DDX10: variants seen among roughly 807,000 people sequenced by gnomAD.
DDX10 encodes the protein DEAD-box helicase 10, also known as probable ATP-dependent RNA helicase DDX10.
In DDX10, 74 loss-of-function variants were observed where a neutral mutation model predicts 104.3. That is an observed-to-expected ratio of 0.71 (90% CI 0.59 to 0.86). The LOEUF (loss-of-function observed/expected upper bound fraction) is 0.86. Among genes scored for constraint, DDX10 ranks in the 40% least tolerant of loss-of-function variants. The pLI is 0.00. For synonymous variants in DDX10, 351 were observed against 353.4 expected, an observed-to-expected ratio of 0.99 and a Z score of 0.08; for missense variants, 952 against 1,040.0, an observed-to-expected ratio of 0.92 and a Z score of 1.16.
chr11:108,815,992 G>A (rs1862249873), intron 13 of DDX10, among the ~76,000 whole-genome samples: 1 of 151,766 alleles, frequency 6.6e-6, no homozygotes, highest in Non-Finnish European at 1.5e-5. Context: ...GCTATGGTCT[G>A]GAACAGTTCC....
At chr11:108,939,688 T>C (rs1310063248) in intron 17 of DDX10, among the ~76,000 whole-genome samples, 2 of 152,206 alleles carry the variant, frequency 1.3e-5, no homozygotes, top group African/African-American at 4.8e-5. Context: ...CAATAATGTT[T>C]GCTTTCTTAA....
chr11:108,773,786 C>G (rs2094366369), intron 13 of DDX10, among the ~76,000 whole-genome samples: 1 of 152,122 alleles, frequency 6.6e-6, no homozygotes, highest in African/African-American at 2.4e-5. Context: ...ATAAAACTTA[C>G]TAATGTTTTA....
intron 13 of DDX10, among the ~76,000 whole-genome samples, chr11:108,806,567 A>T (rs925519606): frequency 3.3e-5 from 5 of 152,220 alleles, no homozygotes; most frequent in Admixed American, 3.3e-4. Flanking sequence ...GTAAACAAGT[A>T]AGTAAATTAG....
chr11:108,882,758 A>C (rs147060748), intron 16 of DDX10, among the ~76,000 whole-genome samples: 40 of 152,330 alleles, frequency 2.6e-4, no homozygotes, highest in Non-Finnish European at 5.1e-4. Flanking sequence ...ATTACAGAGA[A>C]GTGCGTTTCA....
intron 4 of DDX10, 75 bp downstream of exon 4, chr11:108,677,318 C>A: frequency 7.4e-7 from 1 of 1,356,624 alleles, no homozygotes; most frequent in Non-Finnish European, 1.0e-6. Context: ...GACAGGGAGG[C>A]AGCAGAGACT....
intron 16 of DDX10, among the ~76,000 whole-genome samples, chr11:108,874,045 C>A (rs1863117570): frequency 6.6e-6 from 1 of 152,070 alleles, no homozygotes; most frequent in African/African-American, 2.4e-5. Context: ...TGCAAGATTG[C>A]CGTGAGTCAG....
chr11:108,850,656 A>T (rs1279633746), intron 15 of DDX10, among the ~76,000 whole-genome samples: 2 of 152,214 alleles, frequency 1.3e-5, no homozygotes, highest in African/African-American at 4.8e-5. Context: ...ATGGTAGCAG[A>T]TTATAATGAT....
Position 108,739,071 on chromosome 11 carries a change from C to A in DDX10, c.1965+15609C>A, listed in dbSNP as rs557165517. Among the ~76,000 whole-genome samples the A allele has an allele frequency of 8.5e-5, 13 of 152,248 alleles. No individual in the cohort carries two copies. The South Asian group carries it at 2.5e-3, about 29-fold the overall frequency. Reference sequence around the variant, plus strand: ...CTGGTCAGGAAACAACTCTGCCCCCCCAGGGAGACACTTTCTGTCTCTCCT... The same window carrying A: ...CTGGTCAGGAAACAACTCTGCCCCCACAGGGAGACACTTTCTGTCTCTCCT... On this transcript the variant is annotated intron_variant, in intron 13 of 17. Transcript: ENST00000322536.
chr11:108,715,759 C>A (rs1591799213), intron 10 of DDX10, 120 bp from the exon 11 acceptor site: 2 of 613,664 alleles, frequency 3.3e-6, no homozygotes, highest in Admixed American at 3.0e-5. Context: ...TAATCTGATT[C>A]ATAGATGAGA....
intron 16 of DDX10, among the ~76,000 whole-genome samples, chr11:108,867,242 G>C (rs986225055): frequency 6.6e-5 from 10 of 152,124 alleles, no homozygotes; most frequent in African/African-American, 2.4e-4. Context: ...TAAGTAGTTT[G>C]AGCTATATAT....
At chr11:108,678,898 T>C (rs1454399742) in intron 5 of DDX10, among the ~76,000 whole-genome samples, 2 of 85,916 alleles carry the variant, frequency 2.3e-5, no homozygotes, top group East Asian at 8.0e-4. Context: ...TTTTTTTTTA[T>C]ACAGAGTTTC....
chr11:108,719,027 A>T (rs1339032242), intron 11 of DDX10, among the ~76,000 whole-genome samples: 2 of 151,564 alleles, frequency 1.3e-5, no homozygotes, highest in East Asian at 3.9e-4. Flanking sequence ...GAGTTTTGTT[A>T]TCTGTGTATT....
intron 15 of DDX10, among the ~76,000 whole-genome samples, chr11:108,844,257 G>GA (rs1248753842): frequency 6.6e-6 from 1 of 151,744 alleles, no homozygotes; most frequent in South Asian, 2.1e-4. Context: ...ATCTTACCTG[G>GA]AAAAAAAGCA....
chr11:108,858,836 G>A (rs1862904581), intron 16 of DDX10, among the ~76,000 whole-genome samples: 1 of 152,088 alleles, frequency 6.6e-6, no homozygotes, highest in Non-Finnish European at 1.5e-5. Flanking sequence ...GTACTGTATG[G>A]GTGGTAAAAG....
intron 16 of DDX10, among the ~76,000 whole-genome samples, chr11:108,877,506 A>G (rs762373401): frequency 3.3e-5 from 5 of 152,234 alleles, no homozygotes; most frequent in Non-Finnish European, 2.9e-5. Context: ...GTTGCTGTAA[A>G]GAACTTCATT....
intron 9 of DDX10, among the ~76,000 whole-genome samples, chr11:108,704,889 C>G (rs2094273751): frequency 6.6e-6 from 1 of 152,180 alleles, no homozygotes; most frequent in African/African-American, 2.4e-5. Context: ...GGTGCCTTAT[C>G]CCATGGAAAA....
At chr11:108,689,206 TC>T (rs2094248744) in intron 7 of DDX10, 144 bp downstream of exon 7, 7 of 816,758 alleles carry the variant, frequency 8.6e-6, no homozygotes, top group Non-Finnish European at 1.4e-5. Flanking sequence ...TGCAAAGGAA[TC>T]CGTGGCTGAG....
At chr11:108,741,010 T>A (rs951157953) in intron 13 of DDX10, among the ~76,000 whole-genome samples, 1 of 152,166 alleles carries the variant, frequency 6.6e-6, no homozygotes, top group Non-Finnish European at 1.5e-5. Context: ...TCCAGTTCAA[T>A]CTTTTGCATA....
At chr11:108,739,713 G>A (rs1397894304) in intron 13 of DDX10, among the ~76,000 whole-genome samples, 2 of 152,142 alleles carry the variant, frequency 1.3e-5, no homozygotes, top group African/African-American at 2.4e-5. Flanking sequence ...TAAAGGATTA[G>A]TAAATATTAG....
Sources: allele counts gnomAD v4.1 joint callset (sites outside exome capture counted in the v4.1 genomes callset), GRCh38; gene constraint gnomAD v4.1.1; transcripts MANE v1.5; gene names NCBI Gene and HGNC (gene_info 2026-07-23, HGNC 2026-07-21).